The following PDE4D variants were observed in gnomAD, a reference collection of about 807,000 sequenced individuals.
The protein encoded by PDE4D is phosphodiesterase 4D.
Under a neutral mutation model 87.4 loss-of-function variants are expected in PDE4D, and 24 were observed. The ratio of observed to expected loss-of-function variants is 0.27; its 90% CI spans 0.20 to 0.39. The LOEUF (loss-of-function observed/expected upper bound fraction) is 0.39, where lower values mean the gene tolerates loss of function less well. Among genes scored for constraint, PDE4D ranks in the 10% least tolerant of loss-of-function variants. The pLI is 1.00. For synonymous variants in PDE4D, 384 were observed against 383.2 expected (o/e 1.00, Z -0.02); for missense variants, 714 against 1,041.0 (o/e 0.69, Z 4.32).
intron 1 of PDE4D, among the ~76,000 whole-genome samples, chr5:59,334,717 C>T (rs1582020139): frequency 6.6e-6 from 1 of 152,042 alleles, no homozygotes; most frequent in East Asian, 1.9e-4. Flanking sequence ...GTAGAGAAAG[C>T]AAAACCATAT....
intron 1 of PDE4D, among the ~76,000 whole-genome samples, chr5:59,334,758 TCTC>T (rs1414002499): frequency 1.3e-5 from 2 of 151,894 alleles, no homozygotes; most frequent in African/African-American, 2.4e-5. Context: ...AAGCGGGTCT[TCTC>T]CTCACCTCCC....
intron 1 of PDE4D, among the ~76,000 whole-genome samples, chr5:59,636,895 T>C (rs1356039220): frequency 2.6e-5 from 4 of 152,146 alleles, no homozygotes; most frequent in African/African-American, 4.8e-5. Flanking sequence ...AAAGCCAAAA[T>C]TGACAAATGG....
chr5:59,903,444 C>T (rs996448413), intron 3 of PDE4D, among the ~76,000 whole-genome samples: 2 of 152,010 alleles, frequency 1.3e-5, no homozygotes, highest in African/African-American at 2.4e-5. Context: ...ATGAGGCACT[C>T]GTCTAATGTT....
intron 2 of PDE4D, among the ~76,000 whole-genome samples, chr5:59,206,869 C>A (rs1748908557): frequency 6.6e-6 from 1 of 152,144 alleles, no homozygotes; most frequent in South Asian, 2.1e-4. Context: ...CAGCCTGCCA[C>A]CATATGCCCC....
At chr5:60,431,259 GCTC>G (rs1391807189) in intron 1 of PDE4D, 3 of 194,566 alleles carry the variant, frequency 1.5e-5, no homozygotes, top group African/African-American at 7.3e-5. Flanking sequence ...AGGCGGAGGG[GCTC>G]CTCACTTCTC....
Position 60,138,943 on chromosome 5 carries a change from G to T in PDE4D, c.42+46614C>A, listed in dbSNP as rs184436723. Among the ~76,000 whole-genome samples, 1,203 of 151,844 alleles carry T rather than the reference G, an allele frequency of 7.9e-3. 21 individuals are homozygous for T. The highest frequency in any genetic ancestry group is 0.028 in the African/African-American group (1,147 of 41,434). ...CATAAAGGGCTGTTTGGTTTTTTGGGGTTTTTTTGTTTTTAGCTGAAAGCA... is the reference window on the plus strand; with the variant it reads ...CATAAAGGGCTGTTTGGTTTTTTGGTGTTTTTTTGTTTTTAGCTGAAAGCA... On this transcript the variant is annotated intron_variant, in intron 2 of 16. Transcript: ENST00000502484.
intron 2 of PDE4D, among the ~76,000 whole-genome samples, chr5:60,183,258 A>G (rs1784519679): frequency 6.6e-6 from 1 of 152,240 alleles, no homozygotes; most frequent in Non-Finnish European, 1.5e-5. Context: ...CACCTAGTCT[A>G]TGGTATATTG....
intron 4 of PDE4D, among the ~76,000 whole-genome samples, chr5:59,181,072 T>C (rs1028209307): frequency 4.6e-5 from 7 of 152,202 alleles, no homozygotes; most frequent in African/African-American, 1.7e-4. Flanking sequence ...TTATCAGAAG[T>C]GAATGATTTG....
In PDE4D at chr5:59,862,620, C is replaced by T. The variant is rs1259327283; in HGVS notation, c.455+30548G>A. The stretch of plus-strand genomic sequence containing the variant: ...GGGATGCTAATAAGACCTATCACAG[C>T]GTAGTTTTGAGCATGAGTGTAGGCA... On this transcript the variant is annotated intron_variant, in intron 1 of 14. Coordinates refer to ENST00000340635, the MANE Select transcript of PDE4D (RefSeq NM_001104631.2). Among the ~76,000 whole-genome samples, 5 of 152,260 alleles carry T rather than the reference C, an allele frequency of 3.3e-5. No individual in the cohort carries two copies. The South Asian group carries it at 8.3e-4, about 25-fold the overall frequency.
intron 3 of PDE4D, among the ~76,000 whole-genome samples, chr5:59,920,721 G>A (rs1754567599): frequency 1.3e-5 from 2 of 152,134 alleles, no homozygotes. Flanking sequence ...GGACACGGAT[G>A]AAACTGGAAA....
At chr5:60,016,555 G>T (rs182940968) in intron 2 of PDE4D, among the ~76,000 whole-genome samples, 307 of 152,240 alleles carry the variant, frequency 2.0e-3, no homozygotes, top group African/African-American at 7.0e-3. Flanking sequence ...CAAAATAGAA[G>T]TCAGTTCTCT....
At chr5:59,476,006 A>G (rs980998974) in intron 1 of PDE4D, among the ~76,000 whole-genome samples, 5 of 152,116 alleles carry the variant, frequency 3.3e-5, no homozygotes, top group Non-Finnish European at 7.4e-5. Flanking sequence ...TCACTCAAAG[A>G]CAGAAAGCAA....
intron 1 of PDE4D, among the ~76,000 whole-genome samples, chr5:59,355,596 C>G (rs1443259121): frequency 6.6e-6 from 1 of 152,072 alleles, no homozygotes; most frequent in Non-Finnish European, 1.5e-5. Context: ...AATTTTATAG[C>G]TGTAACAAAC....
intron 2 of PDE4D, among the ~76,000 whole-genome samples, chr5:60,070,661 G>T (rs1006654702): frequency 1.3e-5 from 2 of 151,930 alleles, no homozygotes; most frequent in Non-Finnish European, 2.9e-5. Context: ...TTGTTTTCTT[G>T]TGGTGCTTTT....
At chr5:60,194,967 C>A (rs1430291365) in intron 1 of PDE4D, among the ~76,000 whole-genome samples, 1 of 151,678 alleles carries the variant, frequency 6.6e-6, no homozygotes, top group African/African-American at 2.4e-5. Flanking sequence ...CCCTTGACCT[C>A]CCACACAGCA....
At chr5:59,295,982 G>C (rs144099350) in intron 1 of PDE4D, among the ~76,000 whole-genome samples, 33 of 152,138 alleles carry the variant, frequency 2.2e-4, no homozygotes, top group African/African-American at 7.2e-4. Flanking sequence ...GCTATTCAGA[G>C]AGCCAACATA....
chr5:59,325,193 C>T (rs1447625554), intron 1 of PDE4D, among the ~76,000 whole-genome samples: 1 of 152,140 alleles, frequency 6.6e-6, no homozygotes, highest in Non-Finnish European at 1.5e-5. Context: ...ACTTTCCTAT[C>T]TCAGCTCTGG....
rs184039478 is a variant in PDE4D, at chr5:60,321,130, G to A, written c.-89-135443C>T. Among the ~76,000 whole-genome samples the A allele has an allele frequency of 4.2e-3, 645 of 152,220 alleles. 3 individuals carry two copies. The highest frequency in any genetic ancestry group is 0.02 in the Middle Eastern group (6 of 294). ...GCAAATGAATAAAGCTAGAGGCATCGTATTATCTGACTTCAAACTATACAA... is the reference window on the plus strand; with the variant it reads ...GCAAATGAATAAAGCTAGAGGCATCATATTATCTGACTTCAAACTATACAA... On this transcript the variant is annotated intron_variant, in intron 1 of 16. Coordinates refer to the PDE4D transcript ENST00000502484.
Position 60,094,072 on chromosome 5 carries a change from G to T in PDE4D, c.42+91485C>A, listed in dbSNP as rs921285316. On this transcript the variant is annotated intron_variant, in intron 2 of 16. Transcript: ENST00000502484. Reference sequence around the variant, plus strand: ...TAAATGAGTATTTTAAAATAATATTGACCATGCATATATCACTAACTTTGG... The same window carrying T: ...TAAATGAGTATTTTAAAATAATATTTACCATGCATATATCACTAACTTTGG... 3.9e-5 allele frequency among the ~76,000 whole-genome samples: 6 copies of T among 152,142 alleles called. No homozygotes were observed. In the South Asian group the frequency reaches 1.2e-3, roughly 32 times the overall value.
Sources: gnomAD v4.1 joint callset for allele counts (sites outside exome capture counted in the v4.1 genomes callset) on GRCh38, gnomAD v4.1.1 for gene constraint, MANE v1.5 for transcripts, NCBI Gene and HGNC (gene_info 2026-07-23, HGNC 2026-07-21) for gene names.